KCNIP4: variants seen among roughly 807,000 people sequenced by gnomAD.
The protein encoded by KCNIP4 is potassium voltage-gated channel interacting protein 4.
In KCNIP4, 12 loss-of-function variants were observed where a neutral mutation model predicts 34.0. That is an observed-to-expected ratio of 0.35 (90% CI 0.23 to 0.57). The LOEUF is 0.57. Ranked by LOEUF, KCNIP4 falls within the 20% of genes least tolerant of loss-of-function variation. KCNIP4 has a pLI of 0.83. For synonymous variants in KCNIP4, 124 were observed against 102.2 expected, an observed-to-expected ratio of 1.21 and a Z score of -1.29; for missense variants, 238 against 311.7, an observed-to-expected ratio of 0.76 and a Z score of 1.78.
At chr4:21,296,399 T>C (rs1245578487) in intron 1 of KCNIP4, among the ~76,000 whole-genome samples, 6 of 150,562 alleles carry the variant, frequency 4.0e-5, no homozygotes, top group Non-Finnish European at 7.4e-5. Flanking sequence ...GTGGTCTCTC[T>C]CTCTCTCTCT....
intron 1 of KCNIP4, among the ~76,000 whole-genome samples, chr4:21,225,325 A>C (rs1277384239): frequency 6.6e-6 from 1 of 150,436 alleles, no homozygotes; most frequent in East Asian, 1.9e-4. Context: ...AGATCCTTTC[A>C]ACCTAAATTT....
intron 2 of KCNIP4, among the ~76,000 whole-genome samples, chr4:20,880,777 A>T (rs1185485646): frequency 6.6e-6 from 1 of 152,194 alleles, no homozygotes; most frequent in Non-Finnish European, 1.5e-5. Context: ...AATCTTTGAC[A>T]AATAGTGGCA....
At chr4:21,731,737 C>T (rs922142342) in intron 1 of KCNIP4, among the ~76,000 whole-genome samples, 1 of 152,120 alleles carries the variant, frequency 6.6e-6, no homozygotes, top group African/African-American at 2.4e-5. Context: ...ATATACAGGA[C>T]ATAACTCATG....
chr4:21,785,610 T>TAAATA (rs1560712814), intron 1 of KCNIP4, among the ~76,000 whole-genome samples: 23 of 147,600 alleles, frequency 1.6e-4, no homozygotes, highest in African/African-American at 4.5e-4. Context: ...AATAAATAAA[T>TAAATA]AAATAAAATA....
chr4:21,912,443 A>G (rs1000531673), intron 1 of KCNIP4, among the ~76,000 whole-genome samples: 4 of 152,354 alleles, frequency 2.6e-5, no homozygotes, highest in Admixed American at 6.5e-5. Context: ...ATGTTCATGG[A>G]GTTTACAATC....
chr4:21,290,861 A>G (rs571816205), intron 1 of KCNIP4, among the ~76,000 whole-genome samples: 4 of 152,330 alleles, frequency 2.6e-5, no homozygotes, highest in African/African-American at 9.6e-5. Context: ...GTAAGAGCAC[A>G]TTACCGTGCC....
At chr4:21,237,280 T>G (rs79002842) in intron 1 of KCNIP4, among the ~76,000 whole-genome samples, 95 of 152,286 alleles carry the variant, frequency 6.2e-4, no homozygotes, top group African/African-American at 2.2e-3. Flanking sequence ...GCTTGTCTCA[T>G]GGAGCTTATT....
At chr4:21,546,303 C>A (rs909515396) in intron 1 of KCNIP4, among the ~76,000 whole-genome samples, 1 of 152,044 alleles carries the variant, frequency 6.6e-6, no homozygotes, top group African/African-American at 2.4e-5. Context: ...TTCTCACAGA[C>A]TTTCTATCAG....
chr4:21,637,652 G>T (rs957823872), intron 1 of KCNIP4, among the ~76,000 whole-genome samples: 11 of 151,648 alleles, frequency 7.3e-5, no homozygotes, highest in African/African-American at 2.7e-4. Context: ...GCATGGTGGC[G>T]CACACCTGTA....
chr4:21,900,981 C>A (rs1002382504), intron 1 of KCNIP4, among the ~76,000 whole-genome samples: 14 of 152,144 alleles, frequency 9.2e-5, no homozygotes, highest in Non-Finnish European at 2.1e-4. Flanking sequence ...CAATGAATAT[C>A]ATTTTCTGTA....
chr4:21,834,284 G>A (rs951707703), intron 1 of KCNIP4, among the ~76,000 whole-genome samples: 2 of 152,276 alleles, frequency 1.3e-5, no homozygotes, highest in South Asian at 4.1e-4. Flanking sequence ...GTCGTCTGTA[G>A]TTCTCCTTGA....
intron 1 of KCNIP4, among the ~76,000 whole-genome samples, chr4:21,121,911 G>A (rs1294776674): frequency 6.6e-6 from 1 of 152,168 alleles, no homozygotes; most frequent in Non-Finnish European, 1.5e-5. Context: ...TAAATTGGAG[G>A]CAATGGCCAT....
chr4:21,542,547 T>A (rs987010821), intron 1 of KCNIP4, among the ~76,000 whole-genome samples: 6 of 151,928 alleles, frequency 3.9e-5, no homozygotes, highest in African/African-American at 1.4e-4. Flanking sequence ...TTATTGATAT[T>A]TATAAAGCAA....
chr4:20,996,371 C>T (rs978691674), intron 1 of KCNIP4, among the ~76,000 whole-genome samples: 2 of 152,204 alleles, frequency 1.3e-5, no homozygotes, highest in African/African-American at 4.8e-5. Context: ...GGATAACATT[C>T]AAACTTCTCG....
At chr4:21,176,679 G>T (rs531517963) in intron 1 of KCNIP4, among the ~76,000 whole-genome samples, 2 of 152,198 alleles carry the variant, frequency 1.3e-5, no homozygotes, top group African/African-American at 2.4e-5. Flanking sequence ...GTGCCACCAC[G>T]CCCAGCTAAT....
chr4:21,660,170 A>G (rs1748327379), intron 1 of KCNIP4, among the ~76,000 whole-genome samples: 1 of 152,012 alleles, frequency 6.6e-6, no homozygotes, highest in African/African-American at 2.4e-5. Context: ...ACCCTCTTTT[A>G]TCTTTCCAAA....
At chr4:21,596,837 AC>A (rs1742688042) in intron 1 of KCNIP4, among the ~76,000 whole-genome samples, 1 of 152,032 alleles carries the variant, frequency 6.6e-6, no homozygotes, top group Middle Eastern at 3.2e-3. Context: ...CGAGGAAAGG[AC>A]CAAGATATTT....
chr4:21,353,268 A>C (rs1209687607), intron 1 of KCNIP4, among the ~76,000 whole-genome samples: 1 of 152,156 alleles, frequency 6.6e-6, no homozygotes, highest in Non-Finnish European at 1.5e-5. Context: ...CCTCACCTGT[A>C]ATGGAACAAT....
At chr4:20,959,342 C>T (rs1162295444) in intron 1 of KCNIP4, among the ~76,000 whole-genome samples, 2 of 152,124 alleles carry the variant, frequency 1.3e-5, no homozygotes, top group Non-Finnish European at 2.9e-5. Flanking sequence ...ATTTAACTTG[C>T]TATGGTTTCA....
Sources: gnomAD v4.1 joint callset for allele counts (sites outside exome capture counted in the v4.1 genomes callset) on GRCh38, gnomAD v4.1.1 for gene constraint, MANE v1.5 for transcripts, NCBI Gene and HGNC (gene_info 2026-07-23, HGNC 2026-07-21) for gene names.